SHLD1: variants seen among roughly 807,000 people sequenced by gnomAD.
The protein encoded by SHLD1 is RINN1-REV7-interacting novel NHEJ regulator 3.
Under a neutral mutation model 5.5 loss-of-function variants are expected in SHLD1, and 3 were observed. That is an observed-to-expected ratio of 0.54 (90% CI 0.25 to 1.40). The LOEUF (loss-of-function observed/expected upper bound fraction) is 1.40. SHLD1 is among the 40% of genes most tolerant of loss of function. The pLI is 0.15. For missense variants in SHLD1, 210 were observed against 244.4 expected (o/e 0.86, Z 0.94); for synonymous variants, 92 against 94.3 (o/e 0.98, Z 0.14).
intron 2 of SHLD1, among the ~76,000 whole-genome samples, chr20:5,811,009 T>C (rs1388162782): frequency 6.6e-6 from 1 of 152,148 alleles, no homozygotes; most frequent in Non-Finnish European, 1.5e-5. Context: ...CTAATACTAA[T>C]ATATCACATA....
intron 1 of SHLD1, among the ~76,000 whole-genome samples, chr20:5,768,386 T>G (rs1255291963): frequency 2.6e-5 from 4 of 152,226 alleles, no homozygotes; most frequent in Non-Finnish European, 5.9e-5. Flanking sequence ...GCCCCACGCT[T>G]GGGGAGAACC....
chr20:5,844,797 ATAT>A (rs1480417411), intron 2 of SHLD1, among the ~76,000 whole-genome samples: 23 of 95,178 alleles, frequency 2.4e-4, no homozygotes, highest in African/African-American at 6.0e-4. Flanking sequence ...ATATATATAT[ATAT>A]TTTTTTTTTT....
chr20:5,756,202 G>C (rs139699972), intron 1 of SHLD1, among the ~76,000 whole-genome samples: 4,082 of 151,138 alleles, frequency 0.027, 189 homozygotes, highest in African/African-American at 0.093. Context: ...TGTAATCCCA[G>C]CACTTCGGTA....
chr20:5,810,274 G>A (rs1056950508), intron 2 of SHLD1, among the ~76,000 whole-genome samples: 1 of 151,476 alleles, frequency 6.6e-6, no homozygotes, highest in African/African-American at 2.4e-5. Context: ...AAAAAAAATT[G>A]TATTGTTCAA....
intron 2 of SHLD1, among the ~76,000 whole-genome samples, chr20:5,847,049 C>T (rs1341476955): frequency 6.6e-6 from 1 of 151,984 alleles, no homozygotes; most frequent in Non-Finnish European, 1.5e-5. Context: ...AGCACTTGTT[C>T]TAATGACGTC....
Position 5,863,606 on chromosome 20 carries a change from C to T in SHLD1, c.*143C>T, listed in dbSNP as rs918630302. On this transcript the variant is annotated 3_prime_UTR_variant, in exon 3 of 3. Coordinates refer to ENST00000303142, the MANE Select transcript of SHLD1 (RefSeq NM_152504.4). ...AGTGCTTTGAGGTTAAAGGCTGGCACCTGTGACCTGGTATTGGAGCCAGTC... is the reference window on the plus strand; with the variant it reads ...AGTGCTTTGAGGTTAAAGGCTGGCATCTGTGACCTGGTATTGGAGCCAGTC... 2.7e-5 allele frequency: 21 copies of T among 785,928 alleles called. No homozygotes were observed. Among genetic ancestry groups the T allele is most frequent in the Admixed American group, 1.5e-4 (5 of 33,002 alleles). 48.7% of individuals were successfully genotyped at this position (785,928 alleles called of 1,614,324 possible).
At position 5,841,206 on chromosome 20, in the gene SHLD1, C is replaced by T. The variant is rs116974015; in HGVS notation, c.179-21818C>T. On this transcript the variant is annotated intron_variant, in intron 2 of 2. Coordinates refer to ENST00000303142, the MANE Select transcript of SHLD1 (RefSeq NM_152504.4). ...GTGTGTGTGTGTGTGTGTGTGTGCA[C>T]ATGCATATGTATACATAAATATTTT... Among the ~76,000 whole-genome samples, 89 of 150,264 alleles carry T rather than the reference C, an allele frequency of 5.9e-4. No individual in the cohort carries two copies. The East Asian group carries it at 0.016, about 27-fold the overall frequency.
chr20:5,772,908 A>G lies in SHLD1; in HGVS notation c.43A>G (p.Ser15Gly). ...CACTTCAGGCAGCCTGTCAGAGGAG[A>G]GCAGTGCTTTGGACCTGCCATCAGC... Reference protein sequence around the residue: ...DATSGSLSEESSALDLPSACD... With the variant: ...DATSGSLSEEGSALDLPSACD... The change falls in exon 2 of 3, where the codon AGC (serine) becomes GGC (glycine). Residue 15 changes from serine (S) to glycine (G), a missense_variant. Transcript: ENST00000303142. The G allele has an allele frequency of 6.2e-7, 1 of 1,614,094 alleles. No individual in the cohort carries two copies. Among genetic ancestry groups the G allele is most frequent in the Non-Finnish European group, 8.5e-7 (1 of 1,180,016 alleles).
intron 2 of SHLD1, among the ~76,000 whole-genome samples, chr20:5,785,247 A>G (rs1315674931): frequency 1.3e-5 from 2 of 152,204 alleles, no homozygotes; most frequent in Non-Finnish European, 2.9e-5. Context: ...TTTGTTGTGC[A>G]CTTACATTTC....
At chr20:5,799,565 T>G (rs1319349841) in intron 2 of SHLD1, among the ~76,000 whole-genome samples, 1 of 150,566 alleles carries the variant, frequency 6.6e-6, no homozygotes, top group Non-Finnish European at 1.5e-5. Flanking sequence ...TTGCTCACCT[T>G]GGCCTCCCAA....
intron 2 of SHLD1, among the ~76,000 whole-genome samples, chr20:5,793,018 C>T (rs1411692019): frequency 1.3e-5 from 2 of 152,118 alleles, no homozygotes; most frequent in Non-Finnish European, 2.9e-5. Context: ...TTTCCCCTCA[C>T]CATTTGTTGG....
At chr20:5,854,115 C>G (rs531810683) in intron 2 of SHLD1, among the ~76,000 whole-genome samples, 1 of 152,024 alleles carries the variant, frequency 6.6e-6, no homozygotes, top group East Asian at 1.9e-4. Flanking sequence ...AAGCAATTCT[C>G]CTGCCTCAGC....
chr20:5,796,008 G>T (rs1352649880), intron 2 of SHLD1, among the ~76,000 whole-genome samples: 1 of 151,508 alleles, frequency 6.6e-6, no homozygotes, highest in Non-Finnish European at 1.5e-5. Flanking sequence ...AAAAAAGAAA[G>T]AAAGAAAATA....
intron 2 of SHLD1, among the ~76,000 whole-genome samples, chr20:5,818,716 T>C (rs1886202465): frequency 6.6e-6 from 1 of 152,204 alleles, no homozygotes; most frequent in African/African-American, 2.4e-5. Flanking sequence ...ATGAGGTGAC[T>C]GGATTGATCT....
At chr20:5,802,700 G>T (rs941935221) in intron 2 of SHLD1, among the ~76,000 whole-genome samples, 2 of 151,786 alleles carry the variant, frequency 1.3e-5, no homozygotes, top group Non-Finnish European at 2.9e-5. Flanking sequence ...AGGCTGGAGT[G>T]CAGTGGCGTG....
intron 2 of SHLD1, among the ~76,000 whole-genome samples, chr20:5,859,730 G>A (rs1305647214): frequency 1.3e-5 from 2 of 152,204 alleles, no homozygotes; most frequent in Admixed American, 6.5e-5. Context: ...ACTGCAGGCA[G>A]CATTCAAAAT....
chr20:5,820,171 C>A (rs62203935), intron 2 of SHLD1, among the ~76,000 whole-genome samples: 126 of 152,336 alleles, frequency 8.3e-4, no homozygotes, highest in Admixed American at 1.4e-3. Context: ...AGGCTTGTCT[C>A]CTGACCTCAG....
At chr20:5,833,899 G>A (rs1056755097) in intron 2 of SHLD1, among the ~76,000 whole-genome samples, 6 of 152,078 alleles carry the variant, frequency 3.9e-5, no homozygotes, top group African/African-American at 1.2e-4. Context: ...TTGCTCTAAC[G>A]CTTAGCCTAC....
chr20:5,844,274 T>C (rs2087900396), intron 2 of SHLD1, among the ~76,000 whole-genome samples: 1 of 152,268 alleles, frequency 6.6e-6, no homozygotes, highest in Non-Finnish European at 1.5e-5. Flanking sequence ...TTTTGTTTTA[T>C]TTTTAATGCT....
Sources: allele counts gnomAD v4.1 joint callset (sites outside exome capture counted in the v4.1 genomes callset), GRCh38; gene constraint gnomAD v4.1.1; transcripts MANE v1.5; gene names NCBI Gene and HGNC (gene_info 2026-07-23, HGNC 2026-07-21).